PPP1R12A: variants seen among roughly 807,000 people sequenced by gnomAD.
PPP1R12A encodes the protein protein phosphatase 1 regulatory subunit 12A, also known as myosin binding subunit.
In PPP1R12A, 19 loss-of-function variants were observed where a neutral mutation model predicts 139.6. That is an observed-to-expected ratio of 0.14 (90% CI 0.09 to 0.20). The LOEUF (loss-of-function observed/expected upper bound fraction) is 0.20. Ranked by LOEUF, PPP1R12A falls within the 10% of genes least tolerant of loss-of-function variation. PPP1R12A has a pLI of 1.00. For missense variants in PPP1R12A, 925 were observed against 1,211.5 expected, an observed-to-expected ratio of 0.76 and a Z score of 3.51; for synonymous variants, 427 against 420.6, an observed-to-expected ratio of 1.02 and a Z score of -0.19.
intron 14 of PPP1R12A, among the ~76,000 whole-genome samples, chr12:79,802,555 G>A (rs1021286590): frequency 1.3e-5 from 2 of 152,122 alleles, no homozygotes; most frequent in Non-Finnish European, 2.9e-5. Context: ...GGTCAAGGTG[G>A]GAAGACTGCT....
chr12:79,923,207 G>A (rs1416600242), intron 1 of PPP1R12A, among the ~76,000 whole-genome samples: 2 of 152,182 alleles, frequency 1.3e-5, no homozygotes, highest in Non-Finnish European at 2.9e-5. Flanking sequence ...CCAGGAGACG[G>A]TAGTTGCAGT....
chr12:79,935,303 G>A (rs1463627283), upstream of PPP1R12A: 2 of 1,051,476 alleles, frequency 1.9e-6, no homozygotes, highest in East Asian at 1.6e-4. Flanking sequence ...TGGTGGCTGG[G>A]CCACCAGAGG....
chr12:79,785,445 T>C (rs1419731885), intron 22 of PPP1R12A, among the ~76,000 whole-genome samples: 1 of 152,168 alleles, frequency 6.6e-6, no homozygotes, highest in Non-Finnish European at 1.5e-5. Flanking sequence ...TGTTGTTGTT[T>C]TTTTAGAATT....
intron 14 of PPP1R12A, among the ~76,000 whole-genome samples, chr12:79,803,769 AT>A (rs552242407): frequency 1.8e-4 from 27 of 152,166 alleles, no homozygotes; most frequent in Middle Eastern, 6.8e-3. Context: ...ATGTTGCCAC[AT>A]TTTTTTCTTA....
intron 9 of PPP1R12A, among the ~76,000 whole-genome samples, chr12:79,812,382 C>CTGTGTGTGTGTGTG (rs1555202833): frequency 1.8e-5 from 2 of 112,952 alleles, no homozygotes; most frequent in Non-Finnish European, 1.6e-5. Context: ...TTGACTGACT[C>CTGTGTGTGTGTGTG]TGTGTGTGCG....
chr12:79,895,126 C>G (rs939547206), intron 1 of PPP1R12A, among the ~76,000 whole-genome samples: 10 of 151,952 alleles, frequency 6.6e-5, no homozygotes, highest in Non-Finnish European at 1.2e-4. Flanking sequence ...CATAAAGTTT[C>G]CAATATGGGG....
At chr12:79,801,112 G>C (rs1413225129) in intron 14 of PPP1R12A, among the ~76,000 whole-genome samples, 1 of 150,968 alleles carries the variant, frequency 6.6e-6, no homozygotes, top group Non-Finnish European at 1.5e-5. Context: ...TTGGGAGGCC[G>C]AGGCAGGCGG....
At chr12:79,858,574 C>A (rs951449842) in intron 2 of PPP1R12A, among the ~76,000 whole-genome samples, 1 of 152,202 alleles carries the variant, frequency 6.6e-6, no homozygotes, top group East Asian at 1.9e-4. Flanking sequence ...AGTTGCCTAA[C>A]TCCTGAGCCT....
chr12:79,899,253 T>A (rs1434035862), intron 1 of PPP1R12A, among the ~76,000 whole-genome samples: 129 of 1,686 alleles, frequency 0.077, no homozygotes, highest in African/African-American at 0.29. Flanking sequence ...TATATATATA[T>A]ATATATATAT....
intron 14 of PPP1R12A, among the ~76,000 whole-genome samples, chr12:79,799,922 T>TCA (rs1872906958): frequency 6.6e-6 from 1 of 151,744 alleles, no homozygotes; most frequent in South Asian, 2.1e-4. Context: ...GATGAGAGGA[T>TCA]CACCTGAGCC....
intron 1 of PPP1R12A, among the ~76,000 whole-genome samples, chr12:79,931,245 G>A (rs1262837211): frequency 6.6e-6 from 1 of 152,136 alleles, no homozygotes; most frequent in African/African-American, 2.4e-5. Flanking sequence ...AAAGGTTAAC[G>A]TGAATACAGT....
chr12:79,890,771 G>C (rs1884510133), intron 1 of PPP1R12A, among the ~76,000 whole-genome samples: 1 of 151,868 alleles, frequency 6.6e-6, no homozygotes, highest in South Asian at 2.1e-4. Flanking sequence ...TAAACTCATA[G>C]GCCATCAGAC....
intron 2 of PPP1R12A, among the ~76,000 whole-genome samples, chr12:79,851,853 AT>A (rs888703112): frequency 7.2e-5 from 11 of 152,070 alleles, no homozygotes; most frequent in African/African-American, 2.7e-4. Flanking sequence ...GGCAATTTGT[AT>A]TGTTCTATCA....
chr12:79,842,327 A>T (rs1274299466), intron 3 of PPP1R12A, among the ~76,000 whole-genome samples: 2 of 151,982 alleles, frequency 1.3e-5, no homozygotes, highest in African/African-American at 2.4e-5. Context: ...AACAAAACAA[A>T]CCCGCAGTCA....
At chr12:79,891,255 T>C (rs1415916239) in intron 1 of PPP1R12A, among the ~76,000 whole-genome samples, 3 of 152,162 alleles carry the variant, frequency 2.0e-5, no homozygotes, top group Admixed American at 6.6e-5. Context: ...TATATGGTTA[T>C]CTTAACTAAA....
intron 9 of PPP1R12A, among the ~76,000 whole-genome samples, chr12:79,813,612 A>T (rs1874878495): frequency 6.6e-6 from 1 of 152,172 alleles, no homozygotes; most frequent in Non-Finnish European, 1.5e-5. Flanking sequence ...TGCTTTAGAG[A>T]TCCCAACAAA....
At chr12:79,814,849 T>G (rs892585442) in intron 9 of PPP1R12A, among the ~76,000 whole-genome samples, 2 of 137,168 alleles carry the variant, frequency 1.5e-5, no homozygotes, top group African/African-American at 5.4e-5. Context: ...AAATTCAAAA[T>G]TTTTACACAT....
intron 1 of PPP1R12A, among the ~76,000 whole-genome samples, chr12:79,896,025 A>G (rs905794093): frequency 2.0e-5 from 3 of 152,016 alleles, no homozygotes; most frequent in South Asian, 2.1e-4. Flanking sequence ...AAAGAGGAGT[A>G]GTATATCAAA....
intron 20 of PPP1R12A, 32 bp from the exon 21 acceptor site, chr12:79,788,815 G>A (rs1461848529): frequency 4.6e-6 from 7 of 1,529,810 alleles, no homozygotes; most frequent in Non-Finnish European, 5.3e-6. Context: ...AAAAAACCTT[G>A]TTATAGGCTT....
Sources: gnomAD v4.1 joint callset for allele counts (sites outside exome capture counted in the v4.1 genomes callset) on GRCh38, gnomAD v4.1.1 for gene constraint, MANE v1.5 for transcripts, NCBI Gene and HGNC (gene_info 2026-07-23, HGNC 2026-07-21) for gene names.